The following ASIC2 variants were observed in gnomAD, a reference collection of about 807,000 sequenced individuals.
The protein encoded by ASIC2 is acid-sensing ion channel 2.
Under a neutral mutation model 57.3 loss-of-function variants are expected in ASIC2, and 25 were observed. That is an observed-to-expected ratio of 0.44 (90% CI 0.32 to 0.61). The LOEUF is 0.61. ASIC2 is among the 20% of genes least tolerant of loss of function. The pLI is 0.06. For synonymous variants in ASIC2, 319 were observed against 307.5 expected (o/e 1.04, Z -0.39); for missense variants, 641 against 738.1 (o/e 0.87, Z 1.52).
chr17:33,304,421 G>A (rs1184684358), intron 1 of ASIC2, among the ~76,000 whole-genome samples: 1 of 152,200 alleles, frequency 6.6e-6, no homozygotes, highest in Admixed American at 6.5e-5. Context: ...AGGTACTTTG[G>A]AATTAGAAGA....
rs77483406 is a variant in ASIC2 at position 33,872,952 on chromosome 17, G to A, written c.555+283026C>T. Among the ~76,000 whole-genome samples, 570 of 152,292 alleles carry A rather than the reference G, an allele frequency of 3.7e-3. 8 individuals are homozygous for A. The highest frequency in any genetic ancestry group is 0.033 in the East Asian group (172 of 5,168). On this transcript the variant is annotated intron_variant, in intron 1 of 9. Coordinates refer to the ASIC2 transcript ENST00000359872. ...GGGTGGGAACTAGGCAAGGGGAAAG[G>A]TGGGGACTGAAGGCAGAAGCAGGAA... is the stretch of plus-strand genomic sequence containing the variant.
At chr17:33,247,972 A>G (rs539378670) in intron 1 of ASIC2, among the ~76,000 whole-genome samples, 43 of 152,176 alleles carry the variant, frequency 2.8e-4, no homozygotes, top group Non-Finnish European at 5.6e-4. Flanking sequence ...AATATATTTG[A>G]TATATATTCG....
intron 1 of ASIC2, among the ~76,000 whole-genome samples, chr17:33,685,800 C>G (rs999910934): frequency 9.9e-5 from 15 of 152,150 alleles, no homozygotes; most frequent in African/African-American, 3.6e-4. Flanking sequence ...AGACTAAGGC[C>G]TTCAGACAGC....
rs940555367 is a variant in ASIC2 at position 33,308,062 on chromosome 17, C to T, written c.556-195995G>A. The stretch of plus-strand genomic sequence containing the variant: ...AAGGAAAGGATCTTGAGTTTGTACA[C>T]TGGTATGTTCTAAATACCTCAAACA... On this transcript the variant is annotated intron_variant, in intron 1 of 9. Transcript: ENST00000359872. Among the ~76,000 whole-genome samples the T allele has an allele frequency of 2.0e-5, 3 of 152,166 alleles. No individual in the cohort carries two copies. In the East Asian group the frequency reaches 5.8e-4, roughly 29 times the overall value.
At chr17:34,031,228 C>T (rs936412106) in intron 1 of ASIC2, among the ~76,000 whole-genome samples, 7 of 152,174 alleles carry the variant, frequency 4.6e-5, no homozygotes, top group African/African-American at 9.7e-5. Flanking sequence ...CTTCAGCCAC[C>T]GCTGTGGATA....
rs532662785 is a variant in ASIC2 at position 33,878,236 on chromosome 17, C to G, written c.555+277742G>C. On this transcript the variant is annotated intron_variant, in intron 1 of 9. Coordinates refer to the ASIC2 transcript ENST00000359872. ...CCAAAGGAACACACCTCCTCACCAG[C>G]AACAGAACAAAGCTGGATGGAGAAT... 2.0e-5 allele frequency among the ~76,000 whole-genome samples: 3 copies of G among 152,286 alleles called. No individual in the cohort carries two copies. In the East Asian group the frequency reaches 5.8e-4, roughly 29 times the overall value.
chr17:33,750,207 A>C (rs1910385936), intron 1 of ASIC2, among the ~76,000 whole-genome samples: 1 of 152,148 alleles, frequency 6.6e-6, no homozygotes, highest in African/African-American at 2.4e-5. Flanking sequence ...GATGTGGTGG[A>C]GTCAGAAGAC....
intron 1 of ASIC2, among the ~76,000 whole-genome samples, chr17:33,276,190 G>A (rs2142162955): frequency 6.6e-6 from 1 of 152,046 alleles, no homozygotes; most frequent in Non-Finnish European, 1.5e-5. Flanking sequence ...ATAAATGTAT[G>A]CATTAGTAAA....
intron 2 of ASIC2, among the ~76,000 whole-genome samples, chr17:33,104,248 G>T (rs1239585410): frequency 1.3e-5 from 2 of 152,146 alleles, no homozygotes; most frequent in Admixed American, 6.5e-5. Flanking sequence ...TAGGAAGGGG[G>T]CCTCCCATAA....
intron 1 of ASIC2, among the ~76,000 whole-genome samples, chr17:33,464,705 G>C (rs11657998): frequency 3.0e-4 from 32 of 104,984 alleles, no homozygotes; most frequent in African/African-American, 1.2e-3. Context: ...ATATATATAT[G>C]TATATATATG....
At chr17:34,080,109 T>G (rs1909822468) in intron 1 of ASIC2, among the ~76,000 whole-genome samples, 2 of 152,224 alleles carry the variant, frequency 1.3e-5, no homozygotes, top group South Asian at 2.1e-4. Context: ...TCAAGAGCTA[T>G]CCACCTAGCT....
At chr17:33,134,273 G>T (rs1163947294) in intron 1 of ASIC2, among the ~76,000 whole-genome samples, 2 of 152,168 alleles carry the variant, frequency 1.3e-5, no homozygotes, top group Non-Finnish European at 2.9e-5. Flanking sequence ...TCACACCGAG[G>T]TCAGTGTGCT....
chr17:33,252,023 A>G (rs1908902122), intron 1 of ASIC2, among the ~76,000 whole-genome samples: 1 of 152,198 alleles, frequency 6.6e-6, no homozygotes, highest in Admixed American at 6.5e-5. Context: ...TTTTTCAGAT[A>G]GGAGAATTGA....
intron 3 of ASIC2, among the ~76,000 whole-genome samples, chr17:33,041,038 GC>G (rs1488434215): frequency 6.6e-6 from 1 of 152,066 alleles, no homozygotes; most frequent in Non-Finnish European, 1.5e-5. Context: ...CTCTCAAGGG[GC>G]CCCTGTTTGC....
intron 1 of ASIC2, among the ~76,000 whole-genome samples, chr17:33,536,589 C>T (rs1229046656): frequency 6.6e-6 from 1 of 152,230 alleles, no homozygotes; most frequent in African/African-American, 2.4e-5. Flanking sequence ...CCACCCAAGT[C>T]ATAGCCACTA....
At chr17:34,119,271 T>A (rs561567598) in intron 1 of ASIC2, among the ~76,000 whole-genome samples, 1 of 152,178 alleles carries the variant, frequency 6.6e-6, no homozygotes, top group Admixed American at 6.5e-5. Context: ...GAGCTTGCCA[T>A]GCTACCTAAC....
In ASIC2 at chr17:33,754,722, C is replaced by T. The variant is rs188179818; in HGVS notation, c.555+401256G>A. 8.6e-5 allele frequency among the ~76,000 whole-genome samples: 13 copies of T among 151,938 alleles called. No homozygotes were observed. The East Asian group carries it at 1.8e-3, about 20-fold the overall frequency. ...CTGTAATCCCAGCACTTTGGGAGGC[C>T]GAGGCGGGCAGATCACGAGGTCAGG... On this transcript the variant is annotated intron_variant, in intron 1 of 9. Coordinates refer to the ASIC2 transcript ENST00000359872.
At chr17:33,112,822 C>A (rs570928681) in intron 1 of ASIC2, 2 of 152,354 alleles carry the variant, frequency 1.3e-5, no homozygotes, top group South Asian at 2.1e-4. Context: ...TCTAAGGTAA[C>A]TGTGAGTCAT....
chr17:33,071,874 G>A (rs1386565113), intron 3 of ASIC2, among the ~76,000 whole-genome samples: 1 of 152,166 alleles, frequency 6.6e-6, no homozygotes, highest in Non-Finnish European at 1.5e-5. Flanking sequence ...TTTCCAGTTT[G>A]ACTAGTAGGA....
Sources: allele counts gnomAD v4.1 joint callset (sites outside exome capture counted in the v4.1 genomes callset), GRCh38; gene constraint gnomAD v4.1.1; transcripts MANE v1.5; gene names NCBI Gene and HGNC (gene_info 2026-07-23, HGNC 2026-07-21).